The following PRKAR2A variants were observed in gnomAD, a reference collection of about 807,000 sequenced individuals.
PRKAR2A encodes protein kinase cAMP-dependent type II regulatory subunit alpha.
Under a neutral mutation model 51.9 loss-of-function variants are expected in PRKAR2A, and 29 were observed. That is an observed-to-expected ratio of 0.56 (90% CI 0.42 to 0.76). The LOEUF is 0.76. Ranked by LOEUF, PRKAR2A falls within the 30% of genes least tolerant of loss-of-function variation. The pLI is 0.00. For synonymous variants in PRKAR2A, 178 were observed against 186.2 expected (o/e 0.96, Z 0.36); for missense variants, 445 against 512.1 (o/e 0.87, Z 1.26).
At chr3:48,779,890 G>A (rs913979375) in intron 5 of PRKAR2A, among the ~76,000 whole-genome samples, 15 of 151,174 alleles carry the variant, frequency 9.9e-5, no homozygotes, top group Admixed American at 2.6e-4. Context: ...GGCTGGGTGC[G>A]GTGGCTCATG....
At chr3:48,813,433 C>T (rs536594850) in intron 1 of PRKAR2A, among the ~76,000 whole-genome samples, 1 of 151,856 alleles carries the variant, frequency 6.6e-6, no homozygotes, top group Non-Finnish European at 1.5e-5. Context: ...TGGTGGCTCA[C>T]GCCTGTAATC....
At chr3:48,813,693 C>CA (rs1157512069) in intron 1 of PRKAR2A, among the ~76,000 whole-genome samples, 4 of 150,454 alleles carry the variant, frequency 2.7e-5, no homozygotes, top group Non-Finnish European at 5.9e-5. Flanking sequence ...GACTCCATCT[C>CA]AAAAAAACAA....
At chr3:48,841,852 C>G (rs958542142) in intron 1 of PRKAR2A, among the ~76,000 whole-genome samples, 1 of 151,746 alleles carries the variant, frequency 6.6e-6, no homozygotes, top group Non-Finnish European at 1.5e-5. Context: ...AATTATGTAG[C>G]GCAGCCACCT....
At chr3:48,775,617 C>G (rs1361634832) in intron 5 of PRKAR2A, among the ~76,000 whole-genome samples, 1 of 151,594 alleles carries the variant, frequency 6.6e-6, no homozygotes, top group Non-Finnish European at 1.5e-5. Flanking sequence ...ATAGCAAACG[C>G]CTTAAAAAGA....
At chr3:48,844,129 C>T (rs946854617) in intron 1 of PRKAR2A, among the ~76,000 whole-genome samples, 1 of 152,022 alleles carries the variant, frequency 6.6e-6, no homozygotes, top group African/African-American at 2.4e-5. Context: ...TGAACTCAAA[C>T]AAATTTACAA....
intron 9 of PRKAR2A, among the ~76,000 whole-genome samples, chr3:48,754,995 A>AT (rs2081736234): frequency 7.2e-6 from 1 of 139,570 alleles, no homozygotes; most frequent in African/African-American, 2.8e-5. Flanking sequence ...ATACTTATTA[A>AT]CTTTTTTTTT....
intron 1 of PRKAR2A, among the ~76,000 whole-genome samples, chr3:48,833,844 T>C (rs1051779774): frequency 1.3e-5 from 2 of 151,788 alleles, no homozygotes; most frequent in Non-Finnish European, 2.9e-5. Flanking sequence ...AAGACCACCC[T>C]GGCCAACATG....
At chr3:48,754,996 C>CT (rs1279558575) in intron 9 of PRKAR2A, among the ~76,000 whole-genome samples, 8,417 of 125,768 alleles carry the variant, frequency 0.067, 1,000 homozygotes, top group African/African-American at 0.2. Flanking sequence ...TACTTATTAA[C>CT]TTTTTTTTTT....
Position 48,817,325 on chromosome 3 carries a change from CAATAAATAAATAAATAAATA to C in PRKAR2A, c.263-9661_263-9642del, listed in dbSNP as rs10545720. 1.8e-3 allele frequency among the ~76,000 whole-genome samples: 251 copies of C among 139,152 alleles called. 2 individuals carry two copies. Among genetic ancestry groups the C allele is most frequent in the East Asian group, 5.8e-3 (27 of 4,644 alleles). The allele number at this position is 139,152 out of a possible 152,430, so 91.3% of individuals were successfully genotyped here. A position where few individuals can be genotyped will look rare whatever the true frequency, so the allele number is the denominator to read the frequency against. On this transcript the variant is annotated intron_variant, in intron 1 of 10. Transcript: ENST00000265563. The stretch of plus-strand genomic sequence containing the variant: ...CTGGTGACACAGCAAGACTACGTCT[CAATAAATAAATAAATAAATA>C]AATAAATAAATAAATAAATAAATAG...
At chr3:48,818,930 T>G (rs979521767) in intron 1 of PRKAR2A, among the ~76,000 whole-genome samples, 5 of 152,162 alleles carry the variant, frequency 3.3e-5, no homozygotes, top group Admixed American at 2.6e-4. Flanking sequence ...TTTTTCAAAA[T>G]TATCTATCTT....
intron 4 of PRKAR2A, among the ~76,000 whole-genome samples, chr3:48,784,866 T>G (rs1185986805): frequency 1.3e-5 from 2 of 152,162 alleles, no homozygotes; most frequent in South Asian, 2.1e-4. Context: ...AGTTGCAGTT[T>G]CCAAGACTAC....
chr3:48,764,904 C>T (rs752719951), intron 8 of PRKAR2A, 100 bp downstream of exon 8: 6 of 1,027,506 alleles, frequency 5.8e-6, no homozygotes, highest in African/African-American at 1.6e-5. Flanking sequence ...GGATTACAGG[C>T]GTGAGCCACT....
intron 2 of PRKAR2A, among the ~76,000 whole-genome samples, chr3:48,801,587 CTTTAT>C (rs1311830985): frequency 6.6e-6 from 1 of 152,112 alleles, no homozygotes; most frequent in Non-Finnish European, 1.5e-5. Context: ...CCATGCCCAG[CTTTAT>C]TTTATTTTAT....
At chr3:48,793,896 T>C (rs2082434750) in intron 3 of PRKAR2A, 101 bp downstream of exon 3, 1 of 955,096 alleles carries the variant, frequency 1.0e-6, no homozygotes, top group East Asian at 2.5e-5. Flanking sequence ...GATATTTTAA[T>C]TTGTATTTAA....
chr3:48,799,893 T>C (rs865890109), intron 2 of PRKAR2A, among the ~76,000 whole-genome samples: 6 of 152,178 alleles, frequency 3.9e-5, no homozygotes, highest in Non-Finnish European at 8.8e-5. Context: ...AGAGTCTCAC[T>C]CTGTTGCCCA....
rs887179696 is a variant in PRKAR2A, at chr3:48,756,250, C to T, written c.939+129G>A. ...TAAATCTATACTAAATGGGCTTAAA[C>T]ATGGGTCTTTGCCAGTCACACACCT... On this transcript the variant is annotated intron_variant, in intron 9 of 10. Coordinates refer to ENST00000265563, the MANE Select transcript of PRKAR2A (RefSeq NM_004157.4). 17 of 748,052 alleles carry T rather than the reference C, an allele frequency of 2.3e-5. No homozygotes were observed. The African/African-American group carries it at 2.6e-4, about 12-fold the overall frequency. 46.3% of individuals were successfully genotyped at this position (748,052 alleles called of 1,614,324 possible). A position where few individuals can be genotyped will look rare whatever the true frequency, so the allele number is the denominator to read the frequency against.
intron 1 of PRKAR2A, among the ~76,000 whole-genome samples, chr3:48,809,396 G>A (rs76388325): frequency 3.3e-5 from 5 of 151,582 alleles, no homozygotes; most frequent in Non-Finnish European, 4.4e-5. Context: ...TTCGAGACTA[G>A]CCTGGCAAAC....
chr3:48,834,034 T>TAAAAAAAAAA (rs569678133), intron 1 of PRKAR2A, among the ~76,000 whole-genome samples: 1 of 104,474 alleles, frequency 9.6e-6, no homozygotes. Flanking sequence ...GACTCCGTCT[T>TAAAAAAAAAA]AAAAAAAAAA....
In PRKAR2A at chr3:48,759,604, C is replaced by T. The variant is rs527404434; in HGVS notation, c.874-3160G>A. On this transcript the variant is annotated intron_variant, in intron 8 of 10. Transcript: ENST00000265563. ...GTTTCTCCATGTTGGTCAGGCTGGT[C>T]TCGAACCCCCAACCTCAGGTGATCC... Among the ~76,000 whole-genome samples the T allele has an allele frequency of 1.8e-4, 28 of 152,240 alleles. 1 individual carries two copies. In the South Asian group the frequency reaches 3.7e-3, roughly 20 times the overall value.
Sources: allele counts gnomAD v4.1 joint callset (sites outside exome capture counted in the v4.1 genomes callset), GRCh38; gene constraint gnomAD v4.1.1; transcripts MANE v1.5; gene names NCBI Gene and HGNC (gene_info 2026-07-23, HGNC 2026-07-21).